GULP1: variants seen among roughly 807,000 people sequenced by gnomAD.
The protein encoded by GULP1 is PTB domain-containing engulfment adapter protein 1.
In GULP1, 19 loss-of-function variants were observed where a neutral mutation model predicts 40.9. The observed-to-expected ratio is 0.46, with a 90% CI of 0.32 to 0.68. GULP1 has a LOEUF of 0.68. Among genes scored for constraint, GULP1 ranks in the 30% least tolerant of loss-of-function variants. The pLI is 0.03. For missense variants in GULP1, 312 were observed against 362.2 expected (o/e 0.86, Z 1.12); for synonymous variants, 119 against 117.6 (o/e 1.01, Z -0.08).
At chr2:188,403,432 G>T (rs2052599558) in intron 2 of GULP1, among the ~76,000 whole-genome samples, 1 of 152,086 alleles carries the variant, frequency 6.6e-6, no homozygotes, top group South Asian at 2.1e-4. Context: ...GTGATTCAAA[G>T]AACTTTTGGT....
chr2:188,547,206 A>G (rs949603583), intron 7 of GULP1, among the ~76,000 whole-genome samples: 2 of 151,736 alleles, frequency 1.3e-5, no homozygotes, highest in South Asian at 4.2e-4. Flanking sequence ...TTGTGAAACT[A>G]GTATTTCTCT....
intron 5 of GULP1, chr2:188,523,039 A>G: frequency 2.3e-6 from 1 of 434,870 alleles, no homozygotes; most frequent in Non-Finnish European, 4.3e-6. Flanking sequence ...TACTGTTCAC[A>G]TTTTTCTAAG....
chr2:188,368,939 GTA>G (rs56274020), intron 1 of GULP1, among the ~76,000 whole-genome samples: 2,445 of 85,910 alleles, frequency 0.028, 51 homozygotes, highest in South Asian at 0.087. Flanking sequence ...ATATATGTGT[GTA>G]TATATATATA....
intron 2 of GULP1, among the ~76,000 whole-genome samples, chr2:188,466,235 G>A (rs2060102449): frequency 6.6e-6 from 1 of 151,708 alleles, no homozygotes; most frequent in African/African-American, 2.4e-5. Context: ...ACTTCATTTG[G>A]ATACCAGAAG....
intron 7 of GULP1, among the ~76,000 whole-genome samples, chr2:188,543,422 C>T (rs974562846): frequency 1.3e-5 from 2 of 152,072 alleles, no homozygotes; most frequent in Non-Finnish European, 2.9e-5. Context: ...AAGTTGGCAT[C>T]ACCTTCCTGT....
chr2:188,579,987 T>C (rs1448464277), intron 9 of GULP1, among the ~76,000 whole-genome samples: 6 of 152,304 alleles, frequency 3.9e-5, no homozygotes, highest in Non-Finnish European at 5.9e-5. Flanking sequence ...ATATCTTATC[T>C]TTACTCAGTA....
At chr2:188,446,749 T>A (rs1237827899) in intron 2 of GULP1, among the ~76,000 whole-genome samples, 4 of 152,192 alleles carry the variant, frequency 2.6e-5, no homozygotes, top group Non-Finnish European at 5.9e-5. Flanking sequence ...AAAATCAGTG[T>A]TTGAACTTAT....
intron 1 of GULP1, among the ~76,000 whole-genome samples, chr2:188,308,501 C>T (rs1212648100): frequency 6.6e-6 from 1 of 152,040 alleles, no homozygotes; most frequent in Non-Finnish European, 1.5e-5. Context: ...AGAGAACAAA[C>T]CCACAGAACA....
chr2:188,482,228 A>T (rs1301620230), intron 3 of GULP1, among the ~76,000 whole-genome samples: 1 of 151,942 alleles, frequency 6.6e-6, no homozygotes, highest in African/African-American at 2.4e-5. Context: ...AATAGTATAA[A>T]ATAATTTACA....
chr2:188,484,505 G>A (rs1010226827), intron 4 of GULP1, among the ~76,000 whole-genome samples: 1 of 152,108 alleles, frequency 6.6e-6, no homozygotes, highest in South Asian at 2.1e-4. Context: ...AAATTTAAAA[G>A]CAACTGAACT....
intron 11 of GULP1, chr2:188,588,479 T>C (rs1702865326): frequency 6.4e-6 from 1 of 156,872 alleles, no homozygotes. Context: ...TCTCTCTTCC[T>C]TTTACTTTTT....
intron 1 of GULP1, chr2:188,293,851 T>G (rs185627336): frequency 6.6e-6 from 1 of 152,336 alleles, no homozygotes; most frequent in East Asian, 1.9e-4. Context: ...TGAAAGAGAC[T>G]GGGCAAGTTG....
intron 1 of GULP1, among the ~76,000 whole-genome samples, chr2:188,320,893 A>G (rs1216888664): frequency 3.3e-5 from 5 of 151,508 alleles, no homozygotes; most frequent in African/African-American, 9.7e-5. Context: ...GAAATTAAAA[A>G]TTTTTGTACT....
In GULP1 at chr2:188,594,332, C is replaced by T. The variant is rs1704140595; in HGVS notation, c.*321C>T. The T allele has an allele frequency of 5.7e-6, 1 of 175,218 alleles. No homozygotes were observed. The highest frequency in any genetic ancestry group is 6.3e-5 in the Admixed American group (1 of 15,966). 10.9% of individuals were successfully genotyped at this position (175,218 alleles called of 1,614,324 possible). A position where few individuals can be genotyped will look rare whatever the true frequency, so the allele number is the denominator to read the frequency against. On this transcript the variant is annotated 3_prime_UTR_variant, in exon 12 of 12. Coordinates refer to ENST00000409830, the MANE Select transcript of GULP1 (RefSeq NM_016315.4). The stretch of plus-strand genomic sequence containing the variant: ...TAGTTAGCATCTTGAAATTTGTATT[C>T]ATTTTCCAGATGGCTAGTTTATTAA...
intron 1 of GULP1, among the ~76,000 whole-genome samples, chr2:188,331,874 T>C (rs192181560): frequency 6.6e-6 from 1 of 152,312 alleles, no homozygotes; most frequent in Admixed American, 6.5e-5. Flanking sequence ...GCAACTTATA[T>C]TTTTACTTGT....
chr2:188,305,411 C>T (rs755549439), intron 1 of GULP1, among the ~76,000 whole-genome samples: 1 of 152,170 alleles, frequency 6.6e-6, no homozygotes, highest in Non-Finnish European at 1.5e-5. Context: ...ATGATCTAAA[C>T]CCAGAAAGGC....
chr2:188,419,953 A>G (rs553062075), intron 2 of GULP1, among the ~76,000 whole-genome samples: 1 of 152,256 alleles, frequency 6.6e-6, no homozygotes, highest in African/African-American at 2.4e-5. Context: ...TTTGTTGAAG[A>G]GAGTATCCTT....
chr2:188,569,129 T>C (rs1285356906), intron 7 of GULP1, 110 bp from the exon 8 acceptor site: 2 of 667,580 alleles, frequency 3.0e-6, no homozygotes, highest in African/African-American at 1.8e-5. Context: ...CCTTTTGAAG[T>C]ACCTCTTGTG....
intron 1 of GULP1, among the ~76,000 whole-genome samples, chr2:188,311,322 G>A (rs968417638): frequency 6.6e-5 from 10 of 151,966 alleles, no homozygotes; most frequent in Non-Finnish European, 1.2e-4. Flanking sequence ...TCAGCCTCCC[G>A]AGTAGCTGGG....
Sources: gnomAD v4.1 joint callset for allele counts (sites outside exome capture counted in the v4.1 genomes callset) on GRCh38, gnomAD v4.1.1 for gene constraint, MANE v1.5 for transcripts, NCBI Gene and HGNC (gene_info 2026-07-23, HGNC 2026-07-21) for gene names.